The following OR52K1 variants were observed in gnomAD, a reference collection of about 807,000 sequenced individuals.
OR52K1 encodes the protein olfactory receptor family 52 subfamily K member 1.
OR52K1 carries 10 observed loss-of-function variants against 8.7 expected under a neutral mutation model. That is an observed-to-expected ratio of 1.15 (90% CI 0.71 to 1.95). OR52K1 has a LOEUF of 1.95. Ranked by LOEUF, OR52K1 falls within the 30% of genes most tolerant of loss-of-function variation. OR52K1 has a pLI of 0.00. For missense variants in OR52K1, 431 were observed against 397.2 expected (o/e 1.08, Z -0.72); for synonymous variants, 203 against 148.5 (o/e 1.37, Z -2.67).
rs1245562661 is a variant in OR52K1, at chr11:4,489,578, A to C, written c.678A>C (p.Ala226=). The C allele has an allele frequency of 1.2e-6, 2 of 1,614,196 alleles. No homozygotes were observed. Among genetic ancestry groups the C allele is most frequent in the Non-Finnish European group, 1.7e-6 (2 of 1,180,044 alleles). Reference sequence around the variant, plus strand: ...TGTCTTATGTCTTCATCCTTCAGGCAGTTCTCCAGCTTGCCTCTCAGGAGG... The same window carrying C: ...TGTCTTATGTCTTCATCCTTCAGGCCGTTCTCCAGCTTGCCTCTCAGGAGG... ...VILSYVFILQ[A]VLQLASQEAR... The change falls in exon 2 of 2, where the codon GCA becomes GCC. Residue 226 remains alanine, a synonymous_variant. Coordinates refer to ENST00000641528, the MANE Select transcript of OR52K1 (RefSeq NM_001005171.3).
intron 1 of OR52K1, among the ~76,000 whole-genome samples, 166 bp downstream of exon 1, chr11:4,483,342 G>A (rs1470440138): frequency 6.6e-6 from 1 of 152,128 alleles, no homozygotes; most frequent in Non-Finnish European, 1.5e-5. Flanking sequence ...TATTAATTGA[G>A]TCCATTCTGG....
At chr11:4,487,439 G>C (rs774932271) in intron 1 of OR52K1, among the ~76,000 whole-genome samples, 2 of 152,032 alleles carry the variant, frequency 1.3e-5, no homozygotes, top group Non-Finnish European at 2.9e-5. Flanking sequence ...TTTGTGCAAG[G>C]TCTACCACTA....
rs1275692716 is a variant in OR52K1 at position 4,483,171 on chromosome 11, G to C, written c.-334G>C. 1 of 398,462 alleles carries C rather than the reference G, an allele frequency of 2.5e-6. No homozygotes were observed. The highest frequency in any genetic ancestry group is 2.1e-5 in the African/African-American group (1 of 48,634). The allele number at this position is 398,462 out of a possible 1,614,324, so 24.7% of individuals were successfully genotyped here. Reference sequence around the variant, plus strand: ...GAGGCCTGAACTAGAAAGATGGCAGGGAAAGGTAAGAAATACCTTATCTTT... The same window carrying C: ...GAGGCCTGAACTAGAAAGATGGCAGCGAAAGGTAAGAAATACCTTATCTTT... On this transcript the variant is annotated 5_prime_UTR_variant, in exon 1 of 2. Coordinates refer to ENST00000641528, the MANE Select transcript of OR52K1 (RefSeq NM_001005171.3).
intron 1 of OR52K1, among the ~76,000 whole-genome samples, chr11:4,483,870 T>G (rs1846299850): frequency 7.0e-6 from 1 of 142,906 alleles, no homozygotes; most frequent in African/African-American, 2.6e-5. Context: ...TAAAAATGTC[T>G]GTTGTCATAA....
intron 1 of OR52K1, among the ~76,000 whole-genome samples, chr11:4,485,040 A>C (rs910093864): frequency 1.3e-5 from 2 of 152,194 alleles, no homozygotes; most frequent in African/African-American, 4.8e-5. Context: ...TGCTTTTATC[A>C]AGGTATCCAA....
intron 1 of OR52K1, among the ~76,000 whole-genome samples, chr11:4,484,751 T>A (rs1846306533): frequency 6.6e-6 from 1 of 151,804 alleles, no homozygotes; most frequent in Non-Finnish European, 1.5e-5. Context: ...ATTCTCTTTC[T>A]TCGTCTAAGT....
intron 1 of OR52K1, among the ~76,000 whole-genome samples, chr11:4,484,221 T>G (rs896332981): frequency 6.6e-6 from 1 of 152,158 alleles, no homozygotes; most frequent in African/African-American, 2.4e-5. Context: ...TGGTGGGTAA[T>G]TGTTGAAGGA....
At chr11:4,485,944 G>A (rs1486372072) in intron 1 of OR52K1, among the ~76,000 whole-genome samples, 1 of 152,126 alleles carries the variant, frequency 6.6e-6, no homozygotes, top group East Asian at 1.9e-4. Context: ...TGAATAACAG[G>A]TGTTTTTATG....
chr11:4,489,589 T>G lies in OR52K1; in HGVS notation c.689T>G (p.Leu230Arg). Reference protein sequence around the residue: ...YVFILQAVLQLASQEARYKAF... With the variant: ...YVFILQAVLQRASQEARYKAF... ...TTCATCCTTCAGGCAGTTCTCCAGC[T>G]TGCCTCTCAGGAGGCCCGCTACAAG... The change falls in exon 2 of 2, where the codon CTT becomes CGT. Residue 230 changes from leucine to arginine, a missense_variant. Leu to Arg is a moderately radical substitution (Grantham distance 102, BLOSUM62 -2). Coordinates refer to ENST00000641528, the MANE Select transcript of OR52K1 (RefSeq NM_001005171.3). The G allele has an allele frequency of 6.2e-7, 1 of 1,614,236 alleles. No individual in the cohort carries two copies. The highest frequency in any genetic ancestry group is 1.3e-5 in the African/African-American group (1 of 75,064).
Position 4,489,871 on chromosome 11 carries a change from A to C in OR52K1, c.*26A>C. 3.4e-6 allele frequency: 5 copies of C among 1,483,758 alleles called. No homozygotes were observed. The highest frequency in any genetic ancestry group is 4.6e-6 in the Non-Finnish European group (5 of 1,091,186). The allele number at this position is 1,483,758 out of a possible 1,614,324, so 91.9% of individuals were successfully genotyped here. ...ATGGATAGTTCTCTTTTTTTATCCC[A>C]CTTGCCAAGTAATGAGAATGCTGGA... On this transcript the variant is annotated 3_prime_UTR_variant, in exon 2 of 2. Transcript: ENST00000641528.
chr11:4,484,869 C>CAG (rs1277096364), intron 1 of OR52K1, among the ~76,000 whole-genome samples: 1 of 151,230 alleles, frequency 6.6e-6, no homozygotes, highest in East Asian at 1.9e-4. Context: ...CACACACACA[C>CAG]AGTTGACTTC....
intron 1 of OR52K1, among the ~76,000 whole-genome samples, chr11:4,486,028 A>G (rs1846318451): frequency 6.6e-6 from 1 of 152,032 alleles, no homozygotes. Context: ...TATATTCCAA[A>G]TCTATTATGG....
In OR52K1 at chr11:4,491,825, C is replaced by T. The variant is rs562015919; in HGVS notation, c.*1980C>T. 3.0e-4 allele frequency: 45 copies of T among 152,252 alleles called. No homozygotes were observed. Among genetic ancestry groups the T allele is most frequent in the East Asian group, 5.8e-4 (3 of 5,184 alleles). The allele number at this position is 152,252 out of a possible 1,614,324, so 9.4% of individuals were successfully genotyped here. ...CAGGAAAAATAACTATCAGGTACTA[C>T]GCCTAGTACCTAGGTGATTAAAGAA... On this transcript the variant is annotated 3_prime_UTR_variant, in exon 2 of 2. Transcript: ENST00000641528.
rs1294995512 is a variant in OR52K1 at position 4,489,663 on chromosome 11, A to C, written c.763A>C (p.Thr255Pro). ...SHIGAILSTY[T>P]PVVISSVMHR... The stretch of plus-strand genomic sequence containing the variant: ...CATAGGTGCCATCCTGTCCACCTAC[A>C]CTCCAGTAGTCATCTCTTCAGTCAT... The change falls in exon 2 of 2, where the codon ACT (threonine) becomes CCT (proline). Residue 255 changes from threonine to proline, a missense_variant. Coordinates refer to ENST00000641528, the MANE Select transcript of OR52K1 (RefSeq NM_001005171.3). 3.7e-5 allele frequency: 59 copies of C among 1,613,452 alleles called. No homozygotes were observed. Among genetic ancestry groups the C allele is most frequent in the Non-Finnish European group, 4.8e-5 (57 of 1,179,882 alleles).
intron 1 of OR52K1, among the ~76,000 whole-genome samples, chr11:4,487,869 T>TA (rs1264343274): frequency 3.9e-5 from 6 of 152,158 alleles, no homozygotes; most frequent in Non-Finnish European, 7.3e-5. Context: ...TATAATTTTA[T>TA]AACAGTCTTG....
intron 1 of OR52K1, among the ~76,000 whole-genome samples, chr11:4,488,023 T>C (rs143669144): frequency 6.6e-6 from 1 of 152,286 alleles, no homozygotes; most frequent in African/African-American, 2.4e-5. Flanking sequence ...AATTCTCCTG[T>C]GACAAAAAGA....
intron 1 of OR52K1, among the ~76,000 whole-genome samples, chr11:4,485,187 GT>G (rs59266109): frequency 0.019 from 2,858 of 152,262 alleles, 4 homozygotes; most frequent in African/African-American, 0.065. Context: ...ATTTGGGGAT[GT>G]TTCTATCTTA....
intron 1 of OR52K1, among the ~76,000 whole-genome samples, chr11:4,483,431 G>A (rs566594427): frequency 6.6e-6 from 1 of 152,296 alleles, no homozygotes; most frequent in African/African-American, 2.4e-5. Context: ...ACAATGAACA[G>A]TCTGGACAAA....
chr11:4,489,371 A>G lies in OR52K1; in HGVS notation c.471A>G (p.Leu157=), dbSNP rs760841073. The change falls in exon 2 of 2, where the codon CTA becomes CTG. Residue 157 remains leucine (L), a synonymous_variant. Transcript: ENST00000641528. ...CTGCTGTGGCCCGGGCTGTGACACTAATGACTCCACTCCCCTTCCTGCTCA... is the reference window on the plus strand; with the variant it reads ...CTGCTGTGGCCCGGGCTGTGACACTGATGACTCCACTCCCCTTCCTGCTCA... ...GMAAVARAVT[L]MTPLPFLLRR... The G allele has an allele frequency of 6.2e-7, 1 of 1,614,032 alleles. No individual in the cohort carries two copies. Among genetic ancestry groups the G allele is most frequent in the East Asian group, 2.2e-5 (1 of 44,864 alleles).
Sources: allele counts gnomAD v4.1 joint callset (sites outside exome capture counted in the v4.1 genomes callset), GRCh38; gene constraint gnomAD v4.1.1; transcripts MANE v1.5; gene names NCBI Gene and HGNC (gene_info 2026-07-23, HGNC 2026-07-21).